NCOA2: variants seen among roughly 807,000 people sequenced by gnomAD.
The protein encoded by NCOA2 is class E basic helix-loop-helix protein 75.
NCOA2 carries 21 observed loss-of-function variants against 145.1 expected under a neutral mutation model. The ratio of observed to expected loss-of-function variants is 0.14; its 90% CI spans 0.10 to 0.21. NCOA2 has a LOEUF of 0.21. Among genes scored for constraint, NCOA2 ranks in the 10% least tolerant of loss-of-function variants. NCOA2 has a pLI of 1.00. For synonymous variants in NCOA2, 619 were observed against 637.5 expected (o/e 0.97, Z 0.44); for missense variants, 1,472 against 1,837.6 (o/e 0.80, Z 3.64).
At chr8:70,190,510 G>C (rs1322206687) in intron 4 of NCOA2, among the ~76,000 whole-genome samples, 1 of 152,186 alleles carries the variant, frequency 6.6e-6, no homozygotes, top group Admixed American at 6.5e-5. Flanking sequence ...GTATATGAAA[G>C]TACCTCAGGG....
intron 2 of NCOA2, chr8:70,273,529 C>A: frequency 1.4e-6 from 1 of 699,812 alleles, no homozygotes; most frequent in Non-Finnish European, 2.5e-6. Context: ...AAATCTCTGG[C>A]ATTGAAGAGG....
chr8:70,135,549 A>G (rs1809635943), intron 15 of NCOA2, among the ~76,000 whole-genome samples: 4 of 152,192 alleles, frequency 2.6e-5, no homozygotes, highest in Admixed American at 2.6e-4. Context: ...GGCATGAGTG[A>G]TATCACTTCC....
intron 9 of NCOA2, among the ~76,000 whole-genome samples, chr8:70,160,199 GTAT>G (rs1447498413): frequency 9.2e-5 from 14 of 152,236 alleles, no homozygotes; most frequent in Admixed American, 7.9e-4. Flanking sequence ...TGTGTAAGAA[GTAT>G]TATTTATGTG....
chr8:70,424,454 GA>G, the NCOA2 span: 74 of 500,588 alleles, frequency 1.5e-4, no homozygotes, highest in East Asian at 3.1e-3. Flanking sequence ...AATACCACAT[GA>G]GCATATCTTC....
intron 4 of NCOA2, among the ~76,000 whole-genome samples, chr8:70,180,431 G>A (rs1164222513): frequency 2.0e-5 from 3 of 152,052 alleles, no homozygotes; most frequent in South Asian, 2.1e-4. Flanking sequence ...CTTTCAAAGC[G>A]AAGAACAAAA....
chr8:70,441,458 AAAG>A, the NCOA2 span, among the ~76,000 whole-genome samples: 5 of 150,220 alleles, frequency 3.3e-5, no homozygotes, highest in South Asian at 6.4e-4. Context: ...AAAAGAAAGA[AAAG>A]AAAGAGAGAG....
chr8:70,290,413 C>T (rs554704125), intron 2 of NCOA2, among the ~76,000 whole-genome samples: 46 of 152,236 alleles, frequency 3.0e-4, no homozygotes, highest in East Asian at 1.4e-3. Flanking sequence ...TGGTCTCGAT[C>T]TCCTAACCTC....
At chr8:70,404,310 G>C (rs950453583), upstream of NCOA2, among the ~76,000 whole-genome samples, 1 of 152,242 alleles carries the variant, frequency 6.6e-6, no homozygotes, top group Non-Finnish European at 1.5e-5. Context: ...CTGGGCCGCT[G>C]AGTTAGAGGC....
rs199516472 is a variant in NCOA2 at position 70,257,064 on chromosome 8, GT to G, written c.-20+39679del. On this transcript the variant is annotated intron_variant, in intron 2 of 22. Coordinates refer to ENST00000452400, the MANE Select transcript of NCOA2 (RefSeq NM_006540.4). ...CAACAGCCCTATGACAGAGGTACTA[GT>G]TTAGTCCACTTTACAGCTGAAGAAA... Among the ~76,000 whole-genome samples, 522 of 152,332 alleles carry G rather than the reference GT, an allele frequency of 3.4e-3. 6 individuals are homozygous for G. The highest frequency in any genetic ancestry group is 0.012 in the African/African-American group (506 of 41,566).
intron 21 of NCOA2, 89 bp downstream of exon 21, chr8:70,123,795 G>A (rs1585727809): frequency 4.3e-6 from 5 of 1,156,468 alleles, no homozygotes; most frequent in Non-Finnish European, 5.9e-6. Context: ...GGTGGCTAAA[G>A]TCAGATACAT....
rs138961962 is a variant in NCOA2, at chr8:70,395,555, C to T, written c.-77+8145G>A. Among the ~76,000 whole-genome samples the T allele has an allele frequency of 3.1e-3, 467 of 152,250 alleles. 5 individuals are homozygous for T. The highest frequency in any genetic ancestry group is 0.011 in the African/African-American group (454 of 41,540). On this transcript the variant is annotated intron_variant, in intron 1 of 22. Transcript: ENST00000452400. ...CTTATTTAGGAATCTAAAAACATTTCGACAATAACTGAAAGCTTTTCCTTT... is the reference window on the plus strand; with the variant it reads ...CTTATTTAGGAATCTAAAAACATTTTGACAATAACTGAAAGCTTTTCCTTT...
the NCOA2 span, among the ~76,000 whole-genome samples, chr8:70,421,433 C>T: frequency 6.6e-5 from 10 of 151,998 alleles, no homozygotes; most frequent in Non-Finnish European, 1.5e-4. Flanking sequence ...TAGCATGCGC[C>T]TCTAGTCGTA....
At chr8:70,247,685 C>A (rs1822744873) in intron 2 of NCOA2, among the ~76,000 whole-genome samples, 1 of 152,190 alleles carries the variant, frequency 6.6e-6, no homozygotes, top group African/African-American at 2.4e-5. Flanking sequence ...TAGATCACTT[C>A]CATAGAGAGA....
intron 2 of NCOA2, among the ~76,000 whole-genome samples, chr8:70,219,040 T>C (rs1819905190): frequency 6.6e-6 from 1 of 152,186 alleles, no homozygotes. Flanking sequence ...TAACATTATA[T>C]ATATATTATT....
chr8:70,288,458 T>C (rs1261197519), intron 2 of NCOA2, among the ~76,000 whole-genome samples: 1 of 151,992 alleles, frequency 6.6e-6, no homozygotes, highest in Non-Finnish European at 1.5e-5. Context: ...TGCGCACCTT[T>C]AGTCACAGCT....
chr8:70,242,327 T>C (rs1171893027), intron 2 of NCOA2, among the ~76,000 whole-genome samples: 2 of 152,132 alleles, frequency 1.3e-5, no homozygotes, highest in East Asian at 3.8e-4. Context: ...TAATAAAACA[T>C]ACATAGCAAT....
chr8:70,433,959 A>G, the NCOA2 span, among the ~76,000 whole-genome samples: 1 of 152,314 alleles, frequency 6.6e-6, no homozygotes, highest in Non-Finnish European at 1.5e-5. Flanking sequence ...AGGGAAAAAA[A>G]TATTTGCTGG....
chr8:70,200,716 T>C (rs911076031), intron 4 of NCOA2, among the ~76,000 whole-genome samples: 12 of 152,084 alleles, frequency 7.9e-5, no homozygotes, highest in Admixed American at 7.9e-4. Context: ...GTAACTATAA[T>C]AGTCAAATTC....
intron 2 of NCOA2, among the ~76,000 whole-genome samples, chr8:70,240,330 T>C (rs1057314680): frequency 2.0e-5 from 3 of 152,220 alleles, no homozygotes; most frequent in Non-Finnish European, 4.4e-5. Context: ...TGGCCTGGTA[T>C]ACAGAAACAC....
Sources: gnomAD v4.1 joint callset for allele counts (sites outside exome capture counted in the v4.1 genomes callset) on GRCh38, gnomAD v4.1.1 for gene constraint, MANE v1.5 for transcripts, NCBI Gene and HGNC (gene_info 2026-07-23, HGNC 2026-07-21) for gene names.